The following GFOD1 variants were observed in gnomAD, a reference collection of about 807,000 sequenced individuals.
GFOD1 encodes Gfo/Idh/MocA-like oxidoreductase domain containing 1.
A neutral mutation model predicts 25.4 loss-of-function variants in GFOD1; 9 were observed. The observed-to-expected ratio is 0.35, with a 90% CI of 0.21 to 0.62. The LOEUF (loss-of-function observed/expected upper bound fraction) is 0.62. GFOD1 is among the 20% of genes least tolerant of loss of function. The pLI is 0.72. For synonymous variants in GFOD1, 253 were observed against 245.6 expected (o/e 1.03, Z -0.28); for missense variants, 403 against 556.9 (o/e 0.72, Z 2.78).
At chr6:13,470,508 T>TAAACA (rs1281643016) in intron 1 of GFOD1, 1 of 1,549,612 alleles carries the variant, frequency 6.5e-7, no homozygotes, top group South Asian at 1.2e-5. Context: ...TCGTGGGGGG[T>TAAACA]AAACAAATGT....
chr6:13,420,529 C>T (rs374822900), intron 1 of GFOD1, among the ~76,000 whole-genome samples: 1 of 152,284 alleles, frequency 6.6e-6, no homozygotes, highest in Non-Finnish European at 1.5e-5. Context: ...TGTCACCAAT[C>T]GAGATGGATC....
rs17618335 is a variant in GFOD1 at position 13,364,480 on chromosome 6, T to G, written c.*263A>C. 0.015 allele frequency: 7,443 copies of G among 499,090 alleles called. 83 individuals are homozygous for G. Among genetic ancestry groups the G allele is most frequent in the Non-Finnish European group, 0.021 (5,936 of 278,494 alleles). 30.9% of individuals were successfully genotyped at this position (499,090 alleles called of 1,614,324 possible). A position where few individuals can be genotyped will look rare whatever the true frequency, so the allele number is the denominator to read the frequency against. On this transcript the variant is annotated 3_prime_UTR_variant, in exon 2 of 2. Coordinates refer to ENST00000379287, the MANE Select transcript of GFOD1 (RefSeq NM_018988.4). The surrounding 1 kb of genome is among the most constrained non-coding windows in gnomAD (Gnocchi z 4.1). ...AGCAGAGGCAGCTAAACCAAACCAC[T>G]CTCGTGCAAATACCCAGCAGGGATC...
intron 1 of GFOD1, among the ~76,000 whole-genome samples, chr6:13,369,599 C>T (rs1413500446): frequency 6.6e-6 from 1 of 152,102 alleles, no homozygotes; most frequent in East Asian, 1.9e-4. Flanking sequence ...GAGTTTAAAG[C>T]TGCAGTGAGC....
At chr6:13,397,122 C>G (rs941901231) in intron 1 of GFOD1, among the ~76,000 whole-genome samples, 2 of 152,140 alleles carry the variant, frequency 1.3e-5, no homozygotes, top group Non-Finnish European at 2.9e-5. Flanking sequence ...GCTTAGGGAG[C>G]AGGAGCAGAC....
intron 1 of GFOD1, among the ~76,000 whole-genome samples, chr6:13,422,963 A>G (rs993494944): frequency 1.3e-5 from 2 of 152,172 alleles, no homozygotes; most frequent in African/African-American, 4.8e-5. Flanking sequence ...TTAATTGGCT[A>G]TTTCTCCTAC....
chr6:13,393,522 A>G (rs1355000364), intron 1 of GFOD1, among the ~76,000 whole-genome samples: 1 of 152,028 alleles, frequency 6.6e-6, no homozygotes, highest in African/African-American at 2.4e-5. Flanking sequence ...CAGCTCCTGT[A>G]GAGCTCTCCA....
chr6:13,389,633 G>A (rs1308805702), intron 1 of GFOD1, among the ~76,000 whole-genome samples: 2 of 152,072 alleles, frequency 1.3e-5, no homozygotes, highest in Non-Finnish European at 2.9e-5. Context: ...GGTGGGGGAA[G>A]GGATAGCATT....
chr6:13,371,845 C>T (rs757551936), intron 1 of GFOD1, among the ~76,000 whole-genome samples: 16 of 152,136 alleles, frequency 1.1e-4, no homozygotes, highest in Non-Finnish European at 2.1e-4. Flanking sequence ...AGCTCGCCCC[C>T]CTGAGGGCTC....
In GFOD1 at chr6:13,439,192, A is replaced by G. The variant is rs1222322565; in HGVS notation, c.253+47446T>C. The stretch of plus-strand genomic sequence containing the variant: ...TAACACTACAATAAAGTCACATTTT[A>G]AAAACTTATCACAATAAGAAGGAGA... On this transcript the variant is annotated intron_variant, in intron 1 of 1. Coordinates refer to ENST00000379287, the MANE Select transcript of GFOD1 (RefSeq NM_018988.4). Among the ~76,000 whole-genome samples the G allele has an allele frequency of 3.3e-5, 5 of 152,258 alleles. No individual in the cohort carries two copies. In the East Asian group the frequency reaches 7.7e-4, roughly 24 times the overall value.
chr6:13,470,177 C>G, intron 1 of GFOD1: 1 of 1,554,326 alleles, frequency 6.4e-7, no homozygotes, highest in South Asian at 1.1e-5. Context: ...TCCCCAGCAC[C>G]TGCGCGCGAT....
rs1306222615 is a variant in GFOD1 at position 13,365,460 on chromosome 6, G to A, written c.456C>T (p.Gly152=). 1.2e-6 allele frequency: 2 copies of A among 1,613,678 alleles called. No homozygotes were observed. Among genetic ancestry groups the A allele is most frequent in the Non-Finnish European group, 1.7e-6 (2 of 1,180,018 alleles). Residue 152 remains glycine, a synonymous_variant, in exon 2 of 2, where the codon GGC becomes GGT. Transcript: ENST00000379287. The surrounding 1 kb of genome is among the most constrained non-coding windows in gnomAD (Gnocchi z 9.2). ...EPLVCEVQVH[G]GSLLGKKYNW... is the part of the protein sequence containing the mutation. ...TGTACTTCTTGCCCAGCAGGCTGCC[G>A]CCGTGCACCTGCACCTCACACACCA...
At chr6:13,447,224 G>A (rs546643964) in intron 1 of GFOD1, among the ~76,000 whole-genome samples, 2 of 152,288 alleles carry the variant, frequency 1.3e-5, no homozygotes, top group South Asian at 2.1e-4. Flanking sequence ...GGTTGTAAAG[G>A]AAAATCTGCT....
intron 1 of GFOD1, among the ~76,000 whole-genome samples, chr6:13,384,211 G>C (rs1721751384): frequency 6.6e-6 from 1 of 152,208 alleles, no homozygotes; most frequent in Non-Finnish European, 1.5e-5. Flanking sequence ...GGGTGACAGA[G>C]TGAGACTCCA....
chr6:13,373,772 A>ACACACG (rs1318792855), intron 1 of GFOD1, among the ~76,000 whole-genome samples: 22 of 121,166 alleles, frequency 1.8e-4, no homozygotes, highest in African/African-American at 6.7e-4. Flanking sequence ...ACACACACAC[A>ACACACG]CTACGCTTTT....
chr6:13,472,654 CT>C (rs1758535191), intron 1 of GFOD1, among the ~76,000 whole-genome samples: 1 of 152,232 alleles, frequency 6.6e-6, no homozygotes, highest in Admixed American at 6.5e-5. Flanking sequence ...GTGCCTCCAG[CT>C]TTCTGAAGTC....
intron 1 of GFOD1, among the ~76,000 whole-genome samples, chr6:13,418,982 G>A (rs73366928): frequency 0.025 from 3,811 of 152,234 alleles, 167 homozygotes; most frequent in African/African-American, 0.086. Context: ...CCAATTGTCC[G>A]GTCGGTGTTT....
At chr6:13,401,338 C>G (rs1409542951) in intron 1 of GFOD1, among the ~76,000 whole-genome samples, 1 of 151,972 alleles carries the variant, frequency 6.6e-6, no homozygotes, top group East Asian at 1.9e-4. Flanking sequence ...ATATCTGAAT[C>G]TGAGCCGTGT....
chr6:13,380,612 G>T (rs538270858), intron 1 of GFOD1, among the ~76,000 whole-genome samples: 3 of 152,154 alleles, frequency 2.0e-5, no homozygotes, highest in East Asian at 1.9e-4. Flanking sequence ...AGGGAGTCAA[G>T]GCTGGAAAAA....
At chr6:13,461,813 C>T (rs1395993730) in intron 1 of GFOD1, among the ~76,000 whole-genome samples, 1 of 152,224 alleles carries the variant, frequency 6.6e-6, no homozygotes, top group East Asian at 1.9e-4. Flanking sequence ...TCAGCCTCTA[C>T]CAAGAGAGCT....
Sources: allele counts gnomAD v4.1 joint callset (sites outside exome capture counted in the v4.1 genomes callset), GRCh38; gene constraint gnomAD v4.1.1; non-coding constraint Gnocchi (gnomAD v3.1); transcripts MANE v1.5; gene names NCBI Gene and HGNC (gene_info 2026-07-23, HGNC 2026-07-21).